PRICKLE1: variants seen among roughly 807,000 people sequenced by gnomAD.
PRICKLE1 encodes the protein prickle planar cell polarity protein 1, also known as prickle-like protein 1.
PRICKLE1 carries 14 observed loss-of-function variants against 70.2 expected under a neutral mutation model. The observed-to-expected ratio is 0.20, with a 90% CI of 0.13 to 0.31. PRICKLE1 has a LOEUF of 0.31. PRICKLE1 is among the 10% of genes least tolerant of loss of function. The probability of loss-of-function intolerance (pLI) is 1.00; values close to 1 mark genes in which losing one functional copy is unlikely to be tolerated. For synonymous variants in PRICKLE1, 357 were observed against 379.9 expected, an observed-to-expected ratio of 0.94 and a Z score of 0.70; for missense variants, 821 against 1,026.2, an observed-to-expected ratio of 0.80 and a Z score of 2.73.
intron 1 of PRICKLE1, among the ~76,000 whole-genome samples, chr12:42,566,614 C>G (rs964682583): frequency 1.3e-5 from 2 of 152,204 alleles, no homozygotes; most frequent in African/African-American, 4.8e-5. Flanking sequence ...AATTGACCTA[C>G]AGGTTTGTTA....
At chr12:42,568,617 T>C (rs1940659424) in intron 1 of PRICKLE1, among the ~76,000 whole-genome samples, 1 of 152,246 alleles carries the variant, frequency 6.6e-6, no homozygotes, top group Non-Finnish European at 1.5e-5. Context: ...TCATCTCAGA[T>C]CAGCAAGGCA....
In PRICKLE1 at chr12:42,459,555, A is replaced by ACGTC; in HGVS notation, c.*250_*253dup. The ACGTC allele has an allele frequency of 1.6e-6, 1 of 618,180 alleles. No homozygotes were observed. The highest frequency in any genetic ancestry group is 1.9e-5 in the South Asian group (1 of 51,758). The allele number at this position is 618,180 out of a possible 1,614,324, so 38.3% of individuals were successfully genotyped here. A position where few individuals can be genotyped will look rare whatever the true frequency, so the allele number is the denominator to read the frequency against. On this transcript the variant is annotated 3_prime_UTR_variant, in exon 8 of 8. Transcript: ENST00000345127. ...TGAGGACTGGAAAACCAAAGCAGCT[A>ACGTC]CGTCCATCTGTAACGCACCCGCACC...
chr12:42,572,278 T>C (rs529086984), intron 1 of PRICKLE1, among the ~76,000 whole-genome samples: 3 of 151,306 alleles, frequency 2.0e-5, no homozygotes, highest in Admixed American at 1.3e-4. Context: ...TACTGAAAAA[T>C]ACAAAAAATT....
chr12:42,527,949 A>C (rs1282615433), intron 1 of PRICKLE1, among the ~76,000 whole-genome samples: 2 of 89,742 alleles, frequency 2.2e-5, no homozygotes, highest in African/African-American at 4.9e-5. Context: ...ATATATATAT[A>C]TATATATATA....
intron 1 of PRICKLE1, among the ~76,000 whole-genome samples, chr12:42,475,800 T>TA (rs1422425110): frequency 2.0e-5 from 3 of 150,776 alleles, no homozygotes; most frequent in Non-Finnish European, 4.4e-5. Context: ...ACACAAACAT[T>TA]AAAAAAATGT....
intron 1 of PRICKLE1, among the ~76,000 whole-genome samples, chr12:42,562,656 G>A (rs957894300): frequency 1.3e-5 from 2 of 152,176 alleles, no homozygotes; most frequent in African/African-American, 4.8e-5. Context: ...CAAGGCAAAA[G>A]ACCTGCAGAC....
At chr12:42,507,075 C>A (rs931295351) in intron 1 of PRICKLE1, among the ~76,000 whole-genome samples, 52 of 152,292 alleles carry the variant, frequency 3.4e-4, no homozygotes, top group African/African-American at 1.1e-3. Context: ...TCTGCAATTT[C>A]AACACATTTC....
At chr12:42,495,380 CAAAAA>C (rs756105644) in intron 1 of PRICKLE1, among the ~76,000 whole-genome samples, 3 of 69,062 alleles carry the variant, frequency 4.3e-5, no homozygotes, top group Admixed American at 1.7e-4. Flanking sequence ...GACCTTGTCT[CAAAAA>C]AAAAAAAAAA....
At chr12:42,482,580 ACTC>A (rs745534403) in intron 1 of PRICKLE1, among the ~76,000 whole-genome samples, 3 of 152,144 alleles carry the variant, frequency 2.0e-5, no homozygotes, top group Non-Finnish European at 2.9e-5. Context: ...CCTGAACAAC[ACTC>A]CTCTTTGTGA....
chr12:42,535,711 T>C (rs1361670236), intron 1 of PRICKLE1, among the ~76,000 whole-genome samples: 1 of 152,060 alleles, frequency 6.6e-6, no homozygotes, highest in African/African-American at 2.4e-5. Context: ...TTGAGCCCAA[T>C]AGTTTGAGGC....
chr12:42,468,981 A>G (rs1938214355), intron 4 of PRICKLE1, 152 bp from the exon 5 acceptor site: 1 of 762,960 alleles, frequency 1.3e-6, no homozygotes, highest in African/African-American at 1.7e-5. Context: ...ATGCTGGATT[A>G]CTGGTGATTC....
At chr12:42,487,116 C>T (rs979029664) in intron 1 of PRICKLE1, among the ~76,000 whole-genome samples, 1 of 152,170 alleles carries the variant, frequency 6.6e-6, no homozygotes, top group African/African-American at 2.4e-5. Context: ...AACTAATATC[C>T]AAAGGAATCA....
Position 42,458,831 on chromosome 12 carries a change from ATG to A in PRICKLE1, c.*976_*977del, listed in dbSNP as rs1307220528. 6.5e-6 allele frequency: 1 copy of A among 153,338 alleles called. No individual in the cohort carries two copies. Among genetic ancestry groups the A allele is most frequent in the Admixed American group, 6.5e-5 (1 of 15,486 alleles). The allele number at this position is 153,338 out of a possible 1,614,324, so 9.5% of individuals were successfully genotyped here. ...GTTTTTACCATATATTCCAGGGGTT[ATG>A]TGTGTGGAGGGGTTGTTTTTACATT... is the stretch of plus-strand genomic sequence containing the variant. On this transcript the variant is annotated 3_prime_UTR_variant, in exon 8 of 8. Coordinates refer to ENST00000345127, the MANE Select transcript of PRICKLE1 (RefSeq NM_153026.3).
At chr12:42,511,614 G>C (rs560750986) in intron 1 of PRICKLE1, among the ~76,000 whole-genome samples, 28 of 152,254 alleles carry the variant, frequency 1.8e-4, no homozygotes, top group African/African-American at 6.7e-4. Flanking sequence ...ACAGGAGAGG[G>C]GGGTATGGAA....
chr12:42,513,468 C>T (rs535822729), intron 1 of PRICKLE1, among the ~76,000 whole-genome samples: 1 of 152,218 alleles, frequency 6.6e-6, no homozygotes, highest in Non-Finnish European at 1.5e-5. Context: ...AGAAGAAGTG[C>T]TTGAATCCAG....
chr12:42,457,386 G>C lies in PRICKLE1; in HGVS notation c.*2423C>G, dbSNP rs1349558220. On this transcript the variant is annotated 3_prime_UTR_variant, in exon 8 of 8. Transcript: ENST00000345127. ...ATCCATCCTTTATAAGCAACATATT[G>C]CAACAGTCTTTTCTAAAAGGATGCC... 1 of 152,100 alleles carries C rather than the reference G, an allele frequency of 6.6e-6. No homozygotes were observed. The highest frequency in any genetic ancestry group is 1.5e-5 in the Non-Finnish European group (1 of 68,034). The allele number at this position is 152,100 out of a possible 1,614,324, so 9.4% of individuals were successfully genotyped here.
intron 1 of PRICKLE1, among the ~76,000 whole-genome samples, chr12:42,504,554 A>G (rs1357466822): frequency 1.3e-5 from 2 of 152,150 alleles, no homozygotes; most frequent in Non-Finnish European, 2.9e-5. Flanking sequence ...GCTGAATGAG[A>G]TTTGTATTAG....
chr12:42,483,918 G>C (rs188187954), intron 1 of PRICKLE1: 4 of 143,724 alleles, frequency 2.8e-5, no homozygotes, highest in African/African-American at 5.3e-5. Context: ...CGTCCTTCCA[G>C]GATCCTCCTC....
chr12:42,540,990 G>T (rs569420245), intron 1 of PRICKLE1, among the ~76,000 whole-genome samples: 33 of 150,804 alleles, frequency 2.2e-4, no homozygotes, highest in South Asian at 4.2e-4. Context: ...GAGGTATTTG[G>T]TTTTTTTTTC....
Sources: gnomAD v4.1 joint callset for allele counts (sites outside exome capture counted in the v4.1 genomes callset) on GRCh38, gnomAD v4.1.1 for gene constraint, MANE v1.5 for transcripts, NCBI Gene and HGNC (gene_info 2026-07-23, HGNC 2026-07-21) for gene names.